The following UNC13C variants were observed in gnomAD, a reference collection of about 807,000 sequenced individuals.
UNC13C encodes the protein protein unc-13 homolog C.
UNC13C carries 174 observed loss-of-function variants against 245.4 expected under a neutral mutation model. The ratio of observed to expected loss-of-function variants is 0.71; its 90% CI spans 0.63 to 0.80. The LOEUF (loss-of-function observed/expected upper bound fraction) is 0.80, where lower values mean the gene tolerates loss of function less well. Among genes scored for constraint, UNC13C ranks in the 30% least tolerant of loss-of-function variants. The pLI is 0.00. For synonymous variants in UNC13C, 992 were observed against 895.1 expected (o/e 1.11, Z -1.93); for missense variants, 2,829 against 2,602.9 (o/e 1.09, Z -1.89).
At position 54,134,582 on chromosome 15, in the gene UNC13C, C is replaced by T. The variant is rs573958085; in HGVS notation, c.2984-8436C>T. 1.5e-4 allele frequency among the ~76,000 whole-genome samples: 23 copies of T among 152,098 alleles called. No individual in the cohort carries two copies. The East Asian group carries it at 3.7e-3, about 24-fold the overall frequency. On this transcript the variant is annotated intron_variant, in intron 2 of 32. Transcript: ENST00000260323. ...TCTCCCAGACTGGAGTGCAGTGGCG[C>T]GATCTCAGCTCACTGCAAGCTCCGC...
chr15:54,557,332 T>A (rs950596173), intron 29 of UNC13C, among the ~76,000 whole-genome samples: 2 of 151,874 alleles, frequency 1.3e-5, no homozygotes, highest in African/African-American at 4.8e-5. Flanking sequence ...GTGCCTGCTA[T>A]TAGACTCTCT....
chr15:53,976,573 G>A (rs948763520), upstream of UNC13C, among the ~76,000 whole-genome samples: 3 of 143,734 alleles, frequency 2.1e-5, no homozygotes, highest in African/African-American at 7.6e-5. Flanking sequence ...CCAGGTTCAA[G>A]TGATTCTACT....
At chr15:54,492,378 C>G (rs571802210) in intron 19 of UNC13C, among the ~76,000 whole-genome samples, 1 of 151,918 alleles carries the variant, frequency 6.6e-6, no homozygotes, top group South Asian at 2.1e-4. Context: ...TTGAATACAG[C>G]TAAAATTTAG....
Position 54,014,808 on chromosome 15 carries a change from T to C in UNC13C, c.1905T>C (p.Cys635=). 1.9e-6 allele frequency: 3 copies of C among 1,613,870 alleles called. No homozygotes were observed. Among genetic ancestry groups the C allele is most frequent in the Non-Finnish European group, 8.5e-7 (1 of 1,179,836 alleles). Reference sequence around the variant, plus strand: ...GTGGAATGAGTAATGGCATGGTGTGTGCATCTGGAGACCGGAGTCATTACA... The same window carrying C: ...GTGGAATGAGTAATGGCATGGTGTGCGCATCTGGAGACCGGAGTCATTACA... ...VDSGMSNGMV[C]ASGDRSHYSD... Residue 635 remains cysteine (C), a synonymous_variant, in exon 2 of 33, where the codon TGT becomes TGC. Coordinates refer to ENST00000260323, the MANE Select transcript of UNC13C (RefSeq NM_001080534.3).
intron 14 of UNC13C, among the ~76,000 whole-genome samples, chr15:54,327,297 A>G (rs2038322659): frequency 6.6e-6 from 1 of 152,012 alleles, no homozygotes; most frequent in Non-Finnish European, 1.5e-5. Context: ...TTATTGACTG[A>G]CCAACCTCTA....
chr15:54,318,225 A>G (rs1283015014), intron 13 of UNC13C, among the ~76,000 whole-genome samples: 1 of 151,836 alleles, frequency 6.6e-6, no homozygotes, highest in Non-Finnish European at 1.5e-5. Flanking sequence ...ATTTCGTCTT[A>G]TTTGTAGATA....
chr15:54,101,433 T>C (rs981528659), intron 2 of UNC13C, among the ~76,000 whole-genome samples: 8 of 152,352 alleles, frequency 5.3e-5, no homozygotes, highest in Middle Eastern at 6.8e-3. Flanking sequence ...AGCTACACTT[T>C]CTAAATACTT....
At chr15:54,172,758 A>ATATATATATATC in intron 4 of UNC13C, among the ~76,000 whole-genome samples, 1 of 98,080 alleles carries the variant, frequency 1.0e-5, no homozygotes, top group Admixed American at 1.1e-4. Flanking sequence ...ATATATATAT[A>ATATATATATATC]TATCTTTACT....
intron 8 of UNC13C, among the ~76,000 whole-genome samples, chr15:54,252,599 C>G (rs1318941898): frequency 2.0e-5 from 3 of 152,104 alleles, no homozygotes; most frequent in Admixed American, 6.6e-5. Flanking sequence ...TTGAAATTCT[C>G]CCTACAGAAT....
intron 30 of UNC13C, among the ~76,000 whole-genome samples, chr15:54,598,753 T>C (rs1899236767): frequency 6.6e-6 from 1 of 152,154 alleles, no homozygotes; most frequent in Non-Finnish European, 1.5e-5. Flanking sequence ...CAGAAAATAC[T>C]TGAAGCAAAA....
Position 54,250,252 on chromosome 15 carries a change from C to T in UNC13C, c.3256C>T (p.Gln1086Ter), listed in dbSNP as rs1029329311. 1.9e-5 allele frequency: 31 copies of T among 1,613,844 alleles called. No individual in the cohort carries two copies. The highest frequency in any genetic ancestry group is 4.0e-5 in the African/African-American group (3 of 74,910). The change falls in exon 8 of 33, where the codon CAG (glutamine) becomes TAG (stop). Residue 1086 changes from glutamine (Q) to a stop codon, truncating the protein, a stop_gained. Transcript: ENST00000260323. LOFTEE classifies it high-confidence loss of function. ...AATGCACGTCTTCAAGAAGACCTTG[C>T]AGGCACTGATCTACCCTATGTCTTC... ...LKMHVFKKTL[Q>*]ALIYPMSSTI...
At chr15:53,969,865 T>A in the UNC13C span, among the ~76,000 whole-genome samples, 1 of 152,110 alleles carries the variant, frequency 6.6e-6, no homozygotes, top group Non-Finnish European at 1.5e-5. Flanking sequence ...CCTGACTTTC[T>A]GTTTTCCCCC....
chr15:53,929,968 TA>T, the UNC13C span, among the ~76,000 whole-genome samples: 1 of 152,154 alleles, frequency 6.6e-6, no homozygotes, highest in Non-Finnish European at 1.5e-5. Flanking sequence ...AAACTACTCA[TA>T]ACAAAGGCTG....
the UNC13C span, among the ~76,000 whole-genome samples, chr15:53,947,349 T>C: frequency 6.6e-6 from 1 of 152,188 alleles, no homozygotes; most frequent in African/African-American, 2.4e-5. Flanking sequence ...AAGATTTTGA[T>C]TAATATTTGT....
the UNC13C span, among the ~76,000 whole-genome samples, chr15:53,935,616 A>G: frequency 2.0e-5 from 3 of 152,208 alleles, no homozygotes; most frequent in Non-Finnish European, 2.9e-5. Flanking sequence ...CAACTGAGGT[A>G]TCCAGGTTCT....
rs181278863 is a variant in UNC13C, at chr15:54,092,218, C to A, written c.2984-50800C>A. ...TAGAATTATATATGACCAAATAATT[C>A]AAAAATGACAAGGTATAGCATTATG... On this transcript the variant is annotated intron_variant, in intron 2 of 32. Transcript: ENST00000260323. 4.6e-5 allele frequency among the ~76,000 whole-genome samples: 7 copies of A among 152,192 alleles called. No homozygotes were observed. The East Asian group carries it at 9.7e-4, about 21-fold the overall frequency.
At chr15:54,271,022 T>G (rs1310784849) in intron 10 of UNC13C, among the ~76,000 whole-genome samples, 1 of 152,216 alleles carries the variant, frequency 6.6e-6, no homozygotes, top group Admixed American at 6.5e-5. Flanking sequence ...AATTGCACTT[T>G]AATGCCCTCT....
At chr15:54,156,543 T>A (rs143113544) in intron 4 of UNC13C, among the ~76,000 whole-genome samples, 1 of 152,240 alleles carries the variant, frequency 6.6e-6, no homozygotes, top group South Asian at 2.1e-4. Context: ...GTTCCCCACG[T>A]TTAACAATAA....
the UNC13C span, among the ~76,000 whole-genome samples, chr15:53,856,178 T>G: frequency 6.6e-6 from 1 of 152,056 alleles, no homozygotes; most frequent in Non-Finnish European, 1.5e-5. Context: ...ATTCTTCTCT[T>G]TTTTCTTCTT....
Sources: allele counts gnomAD v4.1 joint callset (sites outside exome capture counted in the v4.1 genomes callset), GRCh38; gene constraint gnomAD v4.1.1; transcripts MANE v1.5; gene names NCBI Gene and HGNC (gene_info 2026-07-23, HGNC 2026-07-21).